SDK2: variants seen among roughly 807,000 people sequenced by gnomAD.
SDK2 encodes the protein sidekick cell adhesion molecule 2.
A neutral mutation model predicts 253.9 loss-of-function variants in SDK2; 105 were observed. The ratio of observed to expected loss-of-function variants is 0.41; its 90% CI spans 0.35 to 0.49. The LOEUF (loss-of-function observed/expected upper bound fraction) is 0.49. Among genes scored for constraint, SDK2 ranks in the 20% least tolerant of loss-of-function variants. The probability of loss-of-function intolerance (pLI) is 0.06; values close to 1 mark genes in which losing one functional copy is unlikely to be tolerated. For synonymous variants in SDK2, 1,249 were observed against 1,234.9 expected (o/e 1.01, Z -0.24); for missense variants, 2,608 against 3,003.0 (o/e 0.87, Z 3.07).
In SDK2 at chr17:73,335,100, G is replaced by C. The variant is rs1271566884; in HGVS notation, c.*3487C>G. 6.6e-6 allele frequency: 1 copy of C among 152,476 alleles called. No individual in the cohort carries two copies. Among genetic ancestry groups the C allele is most frequent in the Admixed American group, 6.5e-5 (1 of 15,276 alleles). The allele number at this position is 152,476 out of a possible 1,614,324, so 9.4% of individuals were successfully genotyped here. A position where few individuals can be genotyped will look rare whatever the true frequency, so the allele number is the denominator to read the frequency against. On this transcript the variant is annotated 3_prime_UTR_variant, in exon 45 of 45. Transcript: ENST00000392650. The stretch of plus-strand genomic sequence containing the variant: ...TGGGGGTAGGAGTTTTGGGGGCCGG[G>C]GGGTGAGGGATGGACAGAAGGGGAG...
intron 1 of SDK2, among the ~76,000 whole-genome samples, chr17:73,568,281 C>T (rs2045335942): frequency 1.3e-5 from 2 of 152,344 alleles, no homozygotes; most frequent in South Asian, 4.1e-4. Flanking sequence ...TGTGACACAA[C>T]TGCTCCCTCT....
chr17:73,542,729 GGGAA>G (rs1327790357), intron 1 of SDK2, among the ~76,000 whole-genome samples: 1 of 152,226 alleles, frequency 6.6e-6, no homozygotes, highest in African/African-American at 2.4e-5. Flanking sequence ...GGGCCAGGCT[GGGAA>G]CCGAGGACAC....
chr17:73,551,541 G>C (rs904225529), intron 1 of SDK2, among the ~76,000 whole-genome samples: 5 of 152,190 alleles, frequency 3.3e-5, no homozygotes, highest in African/African-American at 1.2e-4. Flanking sequence ...GATACCCCAA[G>C]TTTCTCTAGG....
intron 1 of SDK2, among the ~76,000 whole-genome samples, chr17:73,600,741 A>AAAAC (rs1167971678): frequency 6.6e-6 from 1 of 152,204 alleles, no homozygotes; most frequent in Non-Finnish European, 1.5e-5. Flanking sequence ...TATTGTTGTG[A>AAAAC]AAACAAACAG....
chr17:73,391,206 C>T (rs542378588), intron 28 of SDK2, among the ~76,000 whole-genome samples: 72 of 152,266 alleles, frequency 4.7e-4, no homozygotes, highest in African/African-American at 1.5e-3. Context: ...CATTTGGGGA[C>T]GCAAAGCCAA....
At chr17:73,434,072 A>G (rs1415561172) in intron 9 of SDK2, among the ~76,000 whole-genome samples, 5 of 152,214 alleles carry the variant, frequency 3.3e-5, no homozygotes, top group African/African-American at 1.2e-4. Context: ...GCCCTGTGGA[A>G]GGACCCAGGT....
chr17:73,545,101 A>ACG lies in SDK2; in HGVS notation c.65-37505_65-37504insCG, dbSNP rs1315697237. Among the ~76,000 whole-genome samples, 50 of 135,616 alleles carry ACG rather than the reference A, an allele frequency of 3.7e-4. No homozygotes were observed. In the East Asian group the frequency reaches 8.1e-3, roughly 22 times the overall value. 89.0% of individuals were successfully genotyped at this position (135,616 alleles called of 152,430 possible). A position where few individuals can be genotyped will look rare whatever the true frequency, so the allele number is the denominator to read the frequency against. ...ATTCTCATTGCGTGCACGTGCACGC[A>ACG]CACACACACACACACACACACACAC... On this transcript the variant is annotated intron_variant, in intron 1 of 44. Coordinates refer to ENST00000392650, the MANE Select transcript of SDK2 (RefSeq NM_001144952.2).
intron 1 of SDK2, among the ~76,000 whole-genome samples, chr17:73,530,287 A>T (rs2064158970): frequency 2.0e-5 from 3 of 152,214 alleles, no homozygotes; most frequent in African/African-American, 7.2e-5. Context: ...ACTTACAATC[A>T]TGGCAGAAGG....
At chr17:73,448,578 A>C (rs149196419) in intron 4 of SDK2, among the ~76,000 whole-genome samples, 79 of 151,212 alleles carry the variant, frequency 5.2e-4, no homozygotes, top group Non-Finnish European at 9.4e-4. Context: ...GTTAGCCAGG[A>C]TGGTCTCGAT....
chr17:73,381,940 C>T (rs994388683), intron 33 of SDK2, among the ~76,000 whole-genome samples: 16 of 151,766 alleles, frequency 1.1e-4, no homozygotes, highest in Admixed American at 7.9e-4. Flanking sequence ...AAAAGCCGGG[C>T]GCAGTGACTC....
At chr17:73,429,802 C>A (rs2063311593) in intron 12 of SDK2, among the ~76,000 whole-genome samples, 1 of 152,194 alleles carries the variant, frequency 6.6e-6, no homozygotes, top group Non-Finnish European at 1.5e-5. Context: ...GCTTCCAAAG[C>A]CTTGGGGGTG....
chr17:73,366,676 G>A (rs574434897), intron 37 of SDK2, among the ~76,000 whole-genome samples: 69 of 152,290 alleles, frequency 4.5e-4, no homozygotes, highest in Non-Finnish European at 2.2e-4. Context: ...GGCAACCCTG[G>A]ACAAGTAGTA....
intron 8 of SDK2, among the ~76,000 whole-genome samples, chr17:73,437,072 C>A (rs1273474865): frequency 6.6e-6 from 1 of 152,152 alleles, no homozygotes. Context: ...TCTTTGCCTT[C>A]CCCTTGTGGA....
At chr17:73,450,530 C>T (rs2063483468) in intron 4 of SDK2, among the ~76,000 whole-genome samples, 1 of 152,198 alleles carries the variant, frequency 6.6e-6, no homozygotes, top group Admixed American at 6.5e-5. Context: ...AGCTTCAAGC[C>T]TCCAGTGGGC....
In SDK2 at chr17:73,447,524, G is replaced by C. The variant is rs1341793449; in HGVS notation, c.613+91C>G. The C allele has an allele frequency of 3.3e-6, 5 of 1,506,160 alleles. 1 individual carries two copies. In the South Asian group the frequency reaches 6.4e-5, roughly 19 times the overall value. 93.3% of individuals were successfully genotyped at this position (1,506,160 alleles called of 1,614,324 possible). ...CCTAGCTTCCCTGTCCCCCTCCTCTGCCACTCCATCTTCCCAATGATCCCC... is the reference window on the plus strand; with the variant it reads ...CCTAGCTTCCCTGTCCCCCTCCTCTCCCACTCCATCTTCCCAATGATCCCC... On this transcript the variant is annotated intron_variant, in intron 5 of 44. Coordinates refer to ENST00000392650, the MANE Select transcript of SDK2 (RefSeq NM_001144952.2). The surrounding 1 kb of genome is among the most constrained non-coding windows in gnomAD (Gnocchi z 4.0).
intron 29 of SDK2, among the ~76,000 whole-genome samples, chr17:73,388,400 GGTTGTTTCCCTACGAGAAGCGCT>G: frequency 6.6e-6 from 1 of 152,330 alleles, no homozygotes. Flanking sequence ...AGCAGGATGA[GGTTGTTTCCCTACGAGAAGCGCT>G]GCTTCATTCC....
intron 24 of SDK2, among the ~76,000 whole-genome samples, chr17:73,396,864 C>T (rs1476209131): frequency 1.3e-5 from 2 of 152,208 alleles, no homozygotes. Flanking sequence ...ACACTGTGCA[C>T]GGGGCACTGA....
At chr17:73,439,174 C>T (rs554296184) in intron 6 of SDK2, among the ~76,000 whole-genome samples, 94 of 152,254 alleles carry the variant, frequency 6.2e-4, no homozygotes, top group Non-Finnish European at 7.4e-4. Flanking sequence ...CCTCTCTTGC[C>T]ATAAGACACG....
In SDK2 at chr17:73,447,914, G is replaced by A. The variant is rs906804772; in HGVS notation, c.480-166C>T. On this transcript the variant is annotated intron_variant, in intron 4 of 44. Coordinates refer to ENST00000392650, the MANE Select transcript of SDK2 (RefSeq NM_001144952.2). The surrounding 1 kb of genome is among the most constrained non-coding windows in gnomAD (Gnocchi z 4.0). ...CCCAACCTCTTACTGCCTACATCCCGCCACGTTTAGTTTGCAGAGAATGCT... is the reference window on the plus strand; with the variant it reads ...CCCAACCTCTTACTGCCTACATCCCACCACGTTTAGTTTGCAGAGAATGCT... 1.9e-4 allele frequency among the ~76,000 whole-genome samples: 28 copies of A among 150,922 alleles called. No homozygotes were observed. Among genetic ancestry groups the A allele is most frequent in the African/African-American group, 6.6e-4 (27 of 41,092 alleles).
Sources: gnomAD v4.1 joint callset for allele counts (sites outside exome capture counted in the v4.1 genomes callset) on GRCh38, gnomAD v4.1.1 for gene constraint, Gnocchi (gnomAD v3.1) non-coding constraint, MANE v1.5 for transcripts, NCBI Gene and HGNC (gene_info 2026-07-23, HGNC 2026-07-21) for gene names.